Variants in CHRDL1 observed in about 807,000 individuals in gnomAD.
CHRDL1 encodes the protein chordin like 1, also known as chordin-like protein 1.
In CHRDL1, 19 loss-of-function variants were observed where a neutral mutation model predicts 40.9. That is an observed-to-expected ratio of 0.46 (90% CI 0.32 to 0.68). CHRDL1 has a LOEUF of 0.68. Ranked by LOEUF, CHRDL1 falls within the 30% of genes least tolerant of loss-of-function variation. The probability of loss-of-function intolerance (pLI) is 0.03; values close to 1 mark genes in which losing one functional copy is unlikely to be tolerated. For missense variants in CHRDL1, 329 were observed against 352.1 expected (o/e 0.93, Z 0.53); for synonymous variants, 136 against 123.4 (o/e 1.10, Z -0.68).
intron 4 of CHRDL1, 80 bp downstream of exon 4, chrX:110,759,581 G>C: frequency 1.4e-6 from 1 of 706,934 alleles, no homozygotes; most frequent in Non-Finnish European, 2.3e-6. Context: ...CCCTTCTGGG[G>C]AATTATGGAG....
intron 2 of CHRDL1, among the ~76,000 whole-genome samples, chrX:110,779,181 T>C (rs2089900919): frequency 9.0e-6 from 1 of 111,016 alleles, no homozygotes. Flanking sequence ...AAATTATCTG[T>C]ACACCAACCC....
chrX:110,677,162 T>C (rs2069795214), intron 11 of CHRDL1, among the ~76,000 whole-genome samples: 1 of 111,537 alleles, frequency 9.0e-6, no homozygotes, highest in Non-Finnish European at 1.9e-5. Context: ...TGAACCTCTT[T>C]TTCTTTTCCT....
intron 4 of CHRDL1, among the ~76,000 whole-genome samples, chrX:110,730,130 A>G (rs769374284): frequency 1.8e-5 from 2 of 112,087 alleles, no homozygotes; most frequent in Non-Finnish European, 3.8e-5. Context: ...AGTGACATTT[A>G]CTTTTCAATC....
rs1052748303 is a variant in CHRDL1 at position 110,674,145 on chromosome X, A to G, written c.*2086T>C. 9.0e-6 allele frequency: 1 copy of G among 111,339 alleles called. No individual in the cohort carries two copies. The highest frequency in any genetic ancestry group is 3.3e-5 in the African/African-American group (1 of 30,609). The allele number at this position is 111,339 out of a possible 1,213,427, so 9.2% of individuals were successfully genotyped here. ...GCTTGGCCTCTTTACCCTATGTCCTATTCTCTACACAACACCAAACACTGG... is the reference window on the plus strand; with the variant it reads ...GCTTGGCCTCTTTACCCTATGTCCTGTTCTCTACACAACACCAAACACTGG... On this transcript the variant is annotated 3_prime_UTR_variant, in exon 12 of 12. Coordinates refer to ENST00000372042, the MANE Select transcript of CHRDL1 (RefSeq NM_001143981.2).
In CHRDL1 at chrX:110,675,165, G is replaced by A. The variant is rs954298584; in HGVS notation, c.*1066C>T. Reference sequence around the variant, plus strand: ...GAAGAAGGAAAACTTCCCTTTTAAAGAGCTTCTAGAATTTACTAATTTAAT... The same window carrying A: ...GAAGAAGGAAAACTTCCCTTTTAAAAAGCTTCTAGAATTTACTAATTTAAT... On this transcript the variant is annotated 3_prime_UTR_variant, in exon 12 of 12. Coordinates refer to ENST00000372042, the MANE Select transcript of CHRDL1 (RefSeq NM_001143981.2). 4 of 111,815 alleles carry A rather than the reference G, an allele frequency of 3.6e-5. No individual in the cohort carries two copies. Among genetic ancestry groups the A allele is most frequent in the Non-Finnish European group, 5.6e-5 (3 of 53,149 alleles). The allele number at this position is 111,815 out of a possible 1,213,427, so 9.2% of individuals were successfully genotyped here. A position where few individuals can be genotyped will look rare whatever the true frequency, so the allele number is the denominator to read the frequency against.
At chrX:110,747,902 G>A (rs142361550) in intron 4 of CHRDL1, among the ~76,000 whole-genome samples, 1,859 of 112,336 alleles carry the variant, frequency 0.017, 43 homozygotes, top group African/African-American at 0.057. Flanking sequence ...TATTGTATGC[G>A]TTTGTGCATT....
At chrX:110,682,976 GT>G (rs1327265625) in intron 9 of CHRDL1, among the ~76,000 whole-genome samples, 1 of 112,253 alleles carries the variant, frequency 8.9e-6, no homozygotes, top group Non-Finnish European at 1.9e-5. Context: ...GTCACTGAGT[GT>G]ACAGAGACTT....
intron 2 of CHRDL1, among the ~76,000 whole-genome samples, chrX:110,772,962 A>G (rs1303737394): frequency 8.9e-6 from 1 of 112,807 alleles, no homozygotes; most frequent in Non-Finnish European, 1.9e-5. Context: ...AAGAACAAAC[A>G]GGAGAATATC....
chrX:110,771,884 GA>G (rs2089766504), intron 2 of CHRDL1, among the ~76,000 whole-genome samples: 1 of 111,314 alleles, frequency 9.0e-6, no homozygotes, highest in Non-Finnish European at 1.9e-5. Flanking sequence ...TTCACAAATA[GA>G]CATAATTTTC....
chrX:110,719,993 A>G, intron 5 of CHRDL1, 65 bp from the exon 6 acceptor site: 1 of 691,915 alleles, frequency 1.4e-6, no homozygotes, highest in Non-Finnish European at 2.2e-6. Context: ...TTCACTTAAT[A>G]CCTGAAATAG....
At position 110,688,668 on chromosome X, in the gene CHRDL1, T is replaced by C. The variant is rs756501889; in HGVS notation, c.914A>G (p.Asn305Ser). ...TTGAGGATACTTGCAGGGGTATCGATTGGGGCAGTGGATTTTCTTACACTC... is the reference window on the plus strand; with the variant it reads ...TTGAGGATACTTGCAGGGGTATCGACTGGGGCAGTGGATTTTCTTACACTC... ...KQECKKIHCP[N>S]RYPCKYPQKI... is the part of the protein sequence containing the mutation. The change falls in exon 9 of 12, where the codon AAT becomes AGT. Residue 305 changes from asparagine to serine, a missense_variant. Coordinates refer to ENST00000372042, the MANE Select transcript of CHRDL1 (RefSeq NM_001143981.2). 9.9e-5 allele frequency: 120 copies of C among 1,206,542 alleles called. No homozygotes were observed. The highest frequency in any genetic ancestry group is 2.0e-4 in the Admixed American group (9 of 45,378).
chrX:110,761,050 A>AACAGCTGTT (rs1393209818), intron 3 of CHRDL1, among the ~76,000 whole-genome samples: 4 of 112,243 alleles, frequency 3.6e-5, no homozygotes, highest in African/African-American at 1.3e-4. Flanking sequence ...TGATGACAAT[A>AACAGCTGTT]ACAGCTGTTA....
At chrX:110,735,497 A>C in intron 4 of CHRDL1, among the ~76,000 whole-genome samples, 1 of 112,074 alleles carries the variant, frequency 8.9e-6, no homozygotes, top group Middle Eastern at 4.6e-3. Context: ...TCTCATGGAC[A>C]CTATTATCTG....
rs1034790653 is a variant in CHRDL1 at position 110,760,793 on chromosome X, C to T, written c.208-1039G>A. Among the ~76,000 whole-genome samples, 15 of 111,687 alleles carry T rather than the reference C, an allele frequency of 1.3e-4. No homozygotes were observed. The East Asian group carries it at 3.9e-3, about 29-fold the overall frequency. The stretch of plus-strand genomic sequence containing the variant: ...CCCAACCTTTTCCTTTTCTTGTGTA[C>T]TTTCTAGAATAATTTTTTTTGGAGT... On this transcript the variant is annotated intron_variant, in intron 3 of 11. Transcript: ENST00000372042.
intron 7 of CHRDL1, 79 bp downstream of exon 7, chrX:110,700,575 C>T (rs887384659): frequency 2.9e-6 from 2 of 694,604 alleles, no homozygotes; most frequent in Admixed American, 5.1e-5. Flanking sequence ...TTTGGATTTG[C>T]TAGAATAGTA....
chrX:110,699,608 G>A (rs1603152796), intron 7 of CHRDL1, among the ~76,000 whole-genome samples: 1 of 112,289 alleles, frequency 8.9e-6, no homozygotes, highest in African/African-American at 3.2e-5. Flanking sequence ...TGACATGTTG[G>A]TATGTGACCT....
intron 9 of CHRDL1, among the ~76,000 whole-genome samples, chrX:110,687,743 T>C (rs1360116322): frequency 8.9e-6 from 1 of 111,783 alleles, no homozygotes; most frequent in East Asian, 2.8e-4. Flanking sequence ...AGTGACTTGT[T>C]ATAGATCACA....
At chrX:110,681,719 T>C in intron 9 of CHRDL1, 70 bp from the exon 10 acceptor site, 2 of 774,284 alleles carry the variant, frequency 2.6e-6, no homozygotes, top group South Asian at 5.0e-5. Context: ...TGCATTTATG[T>C]ATCTCATTGT....
intron 4 of CHRDL1, among the ~76,000 whole-genome samples, chrX:110,742,481 A>C (rs926152520): frequency 1.8e-5 from 2 of 112,755 alleles, no homozygotes; most frequent in South Asian, 3.7e-4. Flanking sequence ...AAAATATAGA[A>C]GATAACAGAC....
Sources: allele counts gnomAD v4.1 joint callset (sites outside exome capture counted in the v4.1 genomes callset), GRCh38; gene constraint gnomAD v4.1.1; transcripts MANE v1.5; gene names NCBI Gene and HGNC (gene_info 2026-07-23, HGNC 2026-07-21).